Variants in SEC63 observed in about 807,000 individuals in gnomAD.
The protein encoded by SEC63 is translocation protein SEC63 homolog.
Under a neutral mutation model 116.2 loss-of-function variants are expected in SEC63, and 56 were observed. The ratio of observed to expected loss-of-function variants is 0.48; its 90% CI spans 0.39 to 0.60. SEC63 has a LOEUF of 0.60. Ranked by LOEUF, SEC63 falls within the 20% of genes least tolerant of loss-of-function variation. The pLI is 0.00. For synonymous variants in SEC63, 273 were observed against 294.6 expected (o/e 0.93, Z 0.75); for missense variants, 668 against 900.0 (o/e 0.74, Z 3.30).
At chr6:107,903,985 G>A (rs551072005) in intron 11 of SEC63, among the ~76,000 whole-genome samples, 12 of 151,960 alleles carry the variant, frequency 7.9e-5, no homozygotes, top group Admixed American at 3.3e-4. Context: ...GGGCGTGGTG[G>A]CATGCGCCTG....
Position 107,896,623 on chromosome 6 carries a change from G to A in SEC63, c.1440+1026C>T, listed in dbSNP as rs572362465. On this transcript the variant is annotated intron_variant, in intron 14 of 20. Coordinates refer to ENST00000369002, the MANE Select transcript of SEC63 (RefSeq NM_007214.5). ...ATGAGCATGGAGAAAGACAGAAGAC[G>A]ACACACAACAAGATTATGCACTCTG... is the stretch of plus-strand genomic sequence containing the variant. Among the ~76,000 whole-genome samples the A allele has an allele frequency of 5.9e-5, 9 of 152,262 alleles. No individual in the cohort carries two copies. The South Asian group carries it at 1.0e-3, about 18-fold the overall frequency.
intron 16 of SEC63, among the ~76,000 whole-genome samples, chr6:107,893,209 G>A (rs942534795): frequency 7.9e-5 from 12 of 151,586 alleles, no homozygotes; most frequent in African/African-American, 2.9e-4. Flanking sequence ...ACATAATGCT[G>A]AATGAAAGGA....
chr6:107,887,105 C>G lies in SEC63; in HGVS notation c.1675-3959G>C, dbSNP rs531324005. ...TTCAAAAGTCAGGAAACAACAGCTG[C>G]TGGAGAGGATGTGGAGAAACAGGAA... On this transcript the variant is annotated intron_variant, in intron 16 of 20. Coordinates refer to ENST00000369002, the MANE Select transcript of SEC63 (RefSeq NM_007214.5). Among the ~76,000 whole-genome samples, 19 of 152,126 alleles carry G rather than the reference C, an allele frequency of 1.2e-4. No individual in the cohort carries two copies. In the East Asian group the frequency reaches 3.7e-3, roughly 29 times the overall value.
intron 14 of SEC63, among the ~76,000 whole-genome samples, chr6:107,895,678 G>A (rs1259028891): frequency 6.6e-6 from 1 of 151,908 alleles, no homozygotes; most frequent in African/African-American, 2.4e-5. Flanking sequence ...TGAATAAATT[G>A]AGTCAAAATA....
chr6:107,940,188 AAAAC>A (rs1351047392), intron 1 of SEC63, among the ~76,000 whole-genome samples: 1 of 152,160 alleles, frequency 6.6e-6, no homozygotes, highest in Non-Finnish European at 1.5e-5. Context: ...ACTAAAAAAA[AAAAC>A]AAACACTGGA....
Position 107,902,888 on chromosome 6 carries a change from G to A in SEC63, c.1165C>T (p.His389Tyr). ...QFKSPLLQLP[H>Y]IEEDNLRRVS... is the part of the protein sequence containing the mutation. ...CGTCTAAGATTGTCCTCTTCAATAT[G>A]AGGGAGCTGCAGAAGGGGAGACTTA... Residue 389 changes from histidine (H) to tyrosine (Y), a missense_variant, in exon 12 of 21, where the codon CAT (histidine) becomes TAT (tyrosine). Physicochemically the swap from His to Tyr is moderately conservative, Grantham distance 83 (BLOSUM62 2). Coordinates refer to ENST00000369002, the MANE Select transcript of SEC63 (RefSeq NM_007214.5). 1.2e-6 allele frequency: 2 copies of A among 1,613,868 alleles called. No homozygotes were observed. The highest frequency in any genetic ancestry group is 8.5e-7 in the Non-Finnish European group (1 of 1,179,798).
chr6:107,946,799 T>C (rs1030259847), intron 1 of SEC63, among the ~76,000 whole-genome samples: 8 of 151,426 alleles, frequency 5.3e-5, no homozygotes, highest in Non-Finnish European at 1.2e-4. Context: ...AGGTCAGGAG[T>C]TCAAGACCAG....
chr6:107,876,757 T>C (rs1786284904), intron 18 of SEC63, 95 bp from the exon 19 acceptor site: 1 of 756,108 alleles, frequency 1.3e-6, no homozygotes. Context: ...ATCTTAGAGA[T>C]CCTCTGCACT....
chr6:107,873,393 A>C (rs1337648142), intron 19 of SEC63, among the ~76,000 whole-genome samples: 1 of 152,208 alleles, frequency 6.6e-6, no homozygotes, highest in Non-Finnish European at 1.5e-5. Context: ...AAATAGTAAC[A>C]AACTCTTAAA....
chr6:107,890,473 A>G (rs750553657), intron 16 of SEC63, among the ~76,000 whole-genome samples: 2 of 152,072 alleles, frequency 1.3e-5, no homozygotes, highest in Non-Finnish European at 2.9e-5. Flanking sequence ...TTTTCACGTG[A>G]GATGGGTCTC....
chr6:107,955,029 C>T (rs1770683338), intron 1 of SEC63, among the ~76,000 whole-genome samples: 1 of 152,214 alleles, frequency 6.6e-6, no homozygotes, highest in Non-Finnish European at 1.5e-5. Context: ...GGCAAACTGA[C>T]ACCCATAATA....
intron 1 of SEC63, among the ~76,000 whole-genome samples, chr6:107,935,791 A>AAAAAAT (rs1770234035): frequency 6.6e-6 from 1 of 152,040 alleles, no homozygotes; most frequent in South Asian, 2.1e-4. Context: ...ATCAATTAAA[A>AAAAAAT]AAAATAAAAT....
chr6:107,896,808 A>T (rs1347692773), intron 14 of SEC63, among the ~76,000 whole-genome samples: 3 of 151,942 alleles, frequency 2.0e-5, no homozygotes, highest in Admixed American at 6.5e-5. Context: ...GTGAAACCCC[A>T]TCTCTACTAA....
chr6:107,884,563 G>A (rs981924656), intron 16 of SEC63, among the ~76,000 whole-genome samples: 18 of 151,940 alleles, frequency 1.2e-4, no homozygotes, highest in African/African-American at 2.9e-4. Flanking sequence ...TAAACTCTGC[G>A]AATAACTCCC....
intron 1 of SEC63, among the ~76,000 whole-genome samples, chr6:107,947,911 C>A (rs531543297): frequency 1.5e-3 from 229 of 152,226 alleles, no homozygotes; most frequent in African/African-American, 5.2e-3. Context: ...CCAAACTGAC[C>A]ATGTTTTATT....
intron 16 of SEC63, among the ~76,000 whole-genome samples, chr6:107,884,201 C>T (rs13203917): frequency 0.092 from 13,393 of 145,836 alleles, 699 homozygotes; most frequent in Non-Finnish European, 0.11. Flanking sequence ...ACTTGGTAGG[C>T]GGAGGTTGCA....
chr6:107,954,094 G>A (rs1263766745), intron 1 of SEC63, among the ~76,000 whole-genome samples: 3 of 152,142 alleles, frequency 2.0e-5, no homozygotes, highest in Non-Finnish European at 2.9e-5. Flanking sequence ...AGGTAGACAC[G>A]GGAGACTTTT....
At chr6:107,934,068 C>T (rs1405384915) in intron 1 of SEC63, among the ~76,000 whole-genome samples, 1 of 152,208 alleles carries the variant, frequency 6.6e-6, no homozygotes, top group African/African-American at 2.4e-5. Flanking sequence ...TCTTGGCTCG[C>T]TACAACCTCC....
chr6:107,897,880 G>C, intron 13 of SEC63, 149 bp from the exon 14 acceptor site: 1 of 665,438 alleles, frequency 1.5e-6, no homozygotes, highest in South Asian at 1.7e-5. Flanking sequence ...ATAACTGATT[G>C]ACTACTCTGT....
Sources: allele counts gnomAD v4.1 joint callset (sites outside exome capture counted in the v4.1 genomes callset), GRCh38; gene constraint gnomAD v4.1.1; transcripts MANE v1.5; gene names NCBI Gene and HGNC (gene_info 2026-07-23, HGNC 2026-07-21).